Variants in ABCG1 observed in about 807,000 individuals in gnomAD.
ABCG1 encodes ATP-binding cassette sub-family G member 1.
ABCG1 carries 29 observed loss-of-function variants against 69.2 expected under a neutral mutation model. The observed-to-expected ratio is 0.42, with a 90% CI of 0.31 to 0.57. The LOEUF (loss-of-function observed/expected upper bound fraction) is 0.57. Among genes scored for constraint, ABCG1 ranks in the 20% least tolerant of loss-of-function variants. The pLI is 0.15. For missense variants in ABCG1, 718 were observed against 898.1 expected (o/e 0.80, Z 2.56); for synonymous variants, 370 against 374.8 (o/e 0.99, Z 0.15).
intron 13 of ABCG1, 63 bp from the exon 14 acceptor site, chr21:42,294,479 C>A: frequency 7.3e-7 from 1 of 1,370,274 alleles, no homozygotes. Flanking sequence ...GTGGGCGAGC[C>A]TCCTCTGCAG....
intron 1 of ABCG1, among the ~76,000 whole-genome samples, chr21:42,223,494 A>C (rs751840238): frequency 1.3e-5 from 2 of 152,094 alleles, no homozygotes; most frequent in South Asian, 2.1e-4. Flanking sequence ...ACCCACCAAG[A>C]GTCCTCAAGG....
chr21:42,203,429 A>T (rs778054976), intron 2 of ABCG1, among the ~76,000 whole-genome samples: 6 of 152,070 alleles, frequency 3.9e-5, no homozygotes, highest in Non-Finnish European at 8.8e-5. Flanking sequence ...TTTCACATCT[A>T]TGATGCATTT....
intron 4 of ABCG1, among the ~76,000 whole-genome samples, chr21:42,275,853 C>T (rs186046353): frequency 8.5e-5 from 13 of 152,374 alleles, no homozygotes; most frequent in African/African-American, 2.9e-4. Context: ...AGTCCGGATC[C>T]CACATCAGAC....
Position 42,273,357 on chromosome 21 carries a change from C to T in ABCG1, c.459C>T (p.Arg153=), listed in dbSNP as rs572674456. The change falls in exon 4 of 15, where the codon CGC becomes CGT. Residue 153 remains arginine (R), a synonymous_variant. Transcript: ENST00000398449. This position sits in a 1 kb window ranked among gnomAD's most constrained non-coding sequence, Gnocchi z 5.3. ...VLINGLPRDL[R]CFRKVSCYIM... is the part of the protein sequence containing the mutation. ...TCAACGGCCTGCCCCGGGACCTGCG[C>T]TGCTTCCGGAAGGTGTCCTGCTACA... 3.7e-6 allele frequency: 6 copies of T among 1,613,910 alleles called. No homozygotes were observed. The African/African-American group carries it at 8.0e-5, about 22-fold the overall frequency.
intron 1 of ABCG1, among the ~76,000 whole-genome samples, chr21:42,200,936 T>C (rs2067501766): frequency 6.6e-6 from 1 of 152,166 alleles, no homozygotes. Flanking sequence ...TTGTTTTTCA[T>C]TTTTCTTACG....
chr21:42,206,351 AAAATAAATAAAT>A (rs79957854), intron 2 of ABCG1, among the ~76,000 whole-genome samples: 4 of 149,142 alleles, frequency 2.7e-5, no homozygotes, highest in South Asian at 2.1e-4. Context: ...CTCTGTCTCA[AAAATAAATAAAT>A]AAATAAATAA....
At chr21:42,238,591 A>T (rs1336469879) in intron 2 of ABCG1, among the ~76,000 whole-genome samples, 2 of 152,198 alleles carry the variant, frequency 1.3e-5, no homozygotes, top group Admixed American at 1.3e-4. Context: ...GCATCTTTGA[A>T]CTATTTATAT....
chr21:42,268,762 G>C (rs555315809), intron 2 of ABCG1, among the ~76,000 whole-genome samples: 1 of 152,258 alleles, frequency 6.6e-6, no homozygotes, highest in Admixed American at 6.5e-5. Context: ...CAGTTTGCTG[G>C]TTCTCAATAG....
rs200985535 is a variant in ABCG1, at chr21:42,219,252, G to T, written c.-11G>T. The T allele has an allele frequency of 1.9e-6, 3 of 1,541,404 alleles. No individual in the cohort carries two copies. In the South Asian group the frequency reaches 3.5e-5, roughly 18 times the overall value. The stretch of plus-strand genomic sequence containing the variant: ...CGCCGCCGCCGCCGCCGCCGCCGCC[G>T]CCCCCGGGGCATGGCCTGTCTGATG... On this transcript the variant is annotated 5_prime_UTR_variant, in exon 1 of 15. Transcript: ENST00000398449. The surrounding 1 kb of genome is among the most constrained non-coding windows in gnomAD (Gnocchi z 5.3).
Position 42,284,898 on chromosome 21 carries a change from C to A in ABCG1, c.858+215C>A, listed in dbSNP as rs185856013. Among the ~76,000 whole-genome samples the A allele has an allele frequency of 1.1e-3, 164 of 152,314 alleles. 1 individual carries two copies. The Middle Eastern group carries it at 0.017, about 16-fold the overall frequency. ...AGCCTTCTGTTACCTCGTGGGATGT[C>A]TTCATGACATCAAACCCTGGGTACC... On this transcript the variant is annotated intron_variant, in intron 7 of 14. Coordinates refer to ENST00000398449, the MANE Select transcript of ABCG1 (RefSeq NM_016818.3).
upstream of ABCG1, chr21:42,216,091 A>C: frequency 2.2e-6 from 1 of 446,130 alleles, no homozygotes; most frequent in Non-Finnish European, 4.5e-6. Flanking sequence ...TATAAAGGGG[A>C]GTTTCCCTGC....
At chr21:42,246,182 AGTG>A (rs2068131900) in intron 2 of ABCG1, among the ~76,000 whole-genome samples, 1 of 152,238 alleles carries the variant, frequency 6.6e-6, no homozygotes, top group Non-Finnish European at 1.5e-5. Context: ...AGAACGGTGC[AGTG>A]ACTGAATTCG....
chr21:42,295,633 T>C (rs946253452), intron 14 of ABCG1, among the ~76,000 whole-genome samples: 1 of 152,250 alleles, frequency 6.6e-6, no homozygotes, highest in Non-Finnish European at 1.5e-5. Context: ...TTAGGTATAT[T>C]GTTCAAGAAA....
Position 42,288,008 on chromosome 21 carries a change from C to G in ABCG1, c.1093C>G (p.Pro365Ala). 3 of 1,612,720 alleles carry G rather than the reference C, an allele frequency of 1.9e-6. No individual in the cohort carries two copies. Among genetic ancestry groups the G allele is most frequent in the African/African-American group, 1.3e-5 (1 of 74,972 alleles). ...CCTCGGGGGTGATGCCGAGGTGAACCCTTTTCTTTGGCACCGGCCCTCTGA... is the reference window on the plus strand; with the variant it reads ...CCTCGGGGGTGATGCCGAGGTGAACGCTTTTCTTTGGCACCGGCCCTCTGA... ...RDLGGDAEVN[P>A]FLWHRPSEED... Residue 365 changes from proline (P) to alanine (A), a missense_variant, in exon 9 of 15, where the codon CCT becomes GCT. Physicochemically the swap from Pro to Ala is conservative, Grantham distance 27. Coordinates refer to ENST00000398449, the MANE Select transcript of ABCG1 (RefSeq NM_016818.3). The surrounding 1 kb of genome is among the most constrained non-coding windows in gnomAD (Gnocchi z 4.8).
At position 42,291,631 on chromosome 21, in the gene ABCG1, T is replaced by A; in HGVS notation, c.1628T>A (p.Ile543Asn). The change falls in exon 13 of 15, where the codon ATC becomes AAC. Residue 543 changes from isoleucine to asparagine, a missense_variant. Coordinates refer to ENST00000398449, the MANE Select transcript of ABCG1 (RefSeq NM_016818.3). The surrounding 1 kb of genome is among the most constrained non-coding windows in gnomAD (Gnocchi z 6.4). The stretch of plus-strand genomic sequence containing the variant: ...GTGGCACAGTCCCTGGGCCTGCTGA[T>A]CGGAGCCGCCTCCACGTCCCTGCAG... ...SLVAQSLGLL[I>N]GAASTSLQVA... 3 of 1,605,872 alleles carry A rather than the reference T, an allele frequency of 1.9e-6. No individual in the cohort carries two copies. In the East Asian group the frequency reaches 6.7e-5, roughly 36 times the overall value.
At chr21:42,269,662 C>T (rs920908966) in intron 2 of ABCG1, among the ~76,000 whole-genome samples, 3 of 152,190 alleles carry the variant, frequency 2.0e-5, no homozygotes, top group African/African-American at 7.2e-5. Context: ...TCTCTGACTC[C>T]CCTAAACAAG....
Position 42,284,589 on chromosome 21 carries a change from T to A in ABCG1, c.764T>A (p.Val255Glu), listed in dbSNP as rs1274283530. 8.7e-6 allele frequency: 14 copies of A among 1,613,830 alleles called. No homozygotes were observed. The highest frequency in any genetic ancestry group is 1.2e-5 in the Non-Finnish European group (14 of 1,180,014). Residue 255 changes from valine to glutamate, a missense_variant, in exon 7 of 15, where the codon GTG becomes GAG. By Grantham distance (121) the Val-to-Glu change is moderately radical. Around this residue, in one of 2 missense-constraint regions of ABCG1, gnomAD observed 514 missense variants for 574.3 expected, o/e 0.90. Transcript: ENST00000398449. Reference protein sequence around the residue: ...SGLDSASCFQVVSLMKGLAQG... With the variant: ...SGLDSASCFQEVSLMKGLAQG... ...CTGGACAGCGCCTCCTGCTTCCAGG[T>A]GGTCTCGCTGATGAAAGGGCTCGCT...
chr21:42,263,055 G>A (rs575075851), intron 2 of ABCG1, among the ~76,000 whole-genome samples: 1 of 152,358 alleles, frequency 6.6e-6, no homozygotes, highest in African/African-American at 2.4e-5. Flanking sequence ...CTTCCTAGGT[G>A]TTGACAGTTG....
chr21:42,235,680 A>G (rs1226625858), intron 2 of ABCG1, among the ~76,000 whole-genome samples: 1 of 152,240 alleles, frequency 6.6e-6, no homozygotes, highest in East Asian at 1.9e-4. Flanking sequence ...CTGGGTTACG[A>G]TACGGGGCTG....
Sources: allele counts gnomAD v4.1 joint callset (sites outside exome capture counted in the v4.1 genomes callset), GRCh38; gene constraint gnomAD v4.1.1; regional missense constraint gnomAD v4.1.1; non-coding constraint Gnocchi (gnomAD v3.1); transcripts MANE v1.5; gene names NCBI Gene and HGNC (gene_info 2026-07-23, HGNC 2026-07-21).